CREB5: variants seen among roughly 807,000 people sequenced by gnomAD.
CREB5 encodes the protein cAMP responsive element binding protein 5, also known as cyclic AMP-responsive element-binding protein 5.
In CREB5, 19 loss-of-function variants were observed where a neutral mutation model predicts 57.1. The observed-to-expected ratio is 0.33, with a 90% CI of 0.23 to 0.49. CREB5 has a LOEUF of 0.49. Ranked by LOEUF, CREB5 falls within the 20% of genes least tolerant of loss-of-function variation. The probability of loss-of-function intolerance (pLI) is 0.99; values close to 1 mark genes in which losing one functional copy is unlikely to be tolerated. For missense variants in CREB5, 579 were observed against 671.6 expected (o/e 0.86, Z 1.52); for synonymous variants, 238 against 238.3 (o/e 1.00, Z 0.01).
intron 3 of CREB5, among the ~76,000 whole-genome samples, chr7:28,498,509 G>C (rs528883172): frequency 4.6e-5 from 7 of 152,136 alleles, no homozygotes; most frequent in Admixed American, 3.3e-4. Flanking sequence ...AGTTTCCAAC[G>C]GGTTGAAAGA....
chr7:28,339,000 T>C (rs890687533), intron 1 of CREB5, among the ~76,000 whole-genome samples: 1 of 152,114 alleles, frequency 6.6e-6, no homozygotes, highest in Non-Finnish European at 1.5e-5. Flanking sequence ...TAAATTTACC[T>C]GATAGGATTC....
chr7:28,646,359 A>G (rs1394170), intron 5 of CREB5, among the ~76,000 whole-genome samples: 1 of 152,182 alleles, frequency 6.6e-6, no homozygotes, highest in Admixed American at 6.5e-5. Context: ...GGGAAAAAAA[A>G]CAAAAAACAA....
At chr7:28,408,171 C>T (rs986401835), upstream of CREB5, among the ~76,000 whole-genome samples, 10 of 152,166 alleles carry the variant, frequency 6.6e-5, no homozygotes, top group African/African-American at 2.4e-4. Flanking sequence ...CTCAGGCCAG[C>T]CCCCAACCTT....
intron 5 of CREB5, among the ~76,000 whole-genome samples, chr7:28,634,936 G>GA (rs1441703577): frequency 6.6e-6 from 1 of 152,066 alleles, no homozygotes; most frequent in Non-Finnish European, 1.5e-5. Flanking sequence ...TGCAAGTAAC[G>GA]AAAAAATCCC....
intron 7 of CREB5, among the ~76,000 whole-genome samples, chr7:28,782,862 A>G (rs1296943022): frequency 6.6e-6 from 1 of 152,226 alleles, no homozygotes; most frequent in African/African-American, 2.4e-5. Context: ...GCGACAGTCC[A>G]GGAGTCAGCA....
chr7:28,401,289 A>G (rs1189312738), intron 1 of CREB5, among the ~76,000 whole-genome samples: 2 of 152,158 alleles, frequency 1.3e-5, no homozygotes, highest in Non-Finnish European at 2.9e-5. Context: ...AGTGAATACA[A>G]TAATTCCCTA....
intron 5 of CREB5, among the ~76,000 whole-genome samples, chr7:28,603,357 TAG>T (rs1241802762): frequency 6.6e-6 from 1 of 152,226 alleles, no homozygotes. Flanking sequence ...TTTGAGAACT[TAG>T]CCAACATGAT....
At chr7:28,510,682 A>G (rs1420291703) in intron 4 of CREB5, among the ~76,000 whole-genome samples, 2 of 152,170 alleles carry the variant, frequency 1.3e-5, no homozygotes, top group East Asian at 3.9e-4. Flanking sequence ...AAGCATCCCA[A>G]TGTGTATATA....
chr7:28,589,224 T>C (rs188206007), intron 5 of CREB5, among the ~76,000 whole-genome samples: 2 of 152,300 alleles, frequency 1.3e-5, no homozygotes, highest in East Asian at 1.9e-4. Flanking sequence ...ATCAGTAACT[T>C]TACTCCTAAC....
intron 1 of CREB5, among the ~76,000 whole-genome samples, chr7:28,364,743 C>T (rs955350544): frequency 3.9e-5 from 6 of 152,192 alleles, no homozygotes; most frequent in African/African-American, 1.4e-4. Flanking sequence ...GCTGCCTTTT[C>T]TCTTATGCTC....
intron 5 of CREB5, among the ~76,000 whole-genome samples, chr7:28,575,182 TAAAAA>T (rs1376768070): frequency 6.6e-6 from 1 of 152,108 alleles, no homozygotes; most frequent in African/African-American, 2.4e-5. Flanking sequence ...AAAATAATAA[TAAAAA>T]GAAAAGCTGA....
At chr7:28,432,560 T>C (rs1460560108) in intron 1 of CREB5, among the ~76,000 whole-genome samples, 1 of 152,210 alleles carries the variant, frequency 6.6e-6, no homozygotes, top group Non-Finnish European at 1.5e-5. Flanking sequence ...CCATCTATTT[T>C]TCCTGAAAGA....
chr7:28,306,271 C>CT (rs1432998848), intron 1 of CREB5, among the ~76,000 whole-genome samples: 1 of 152,174 alleles, frequency 6.6e-6, no homozygotes, highest in Non-Finnish European at 1.5e-5. Context: ...CTGTGTTACT[C>CT]TTTTCTACAC....
chr7:28,534,643 G>T (rs560073411), intron 4 of CREB5, among the ~76,000 whole-genome samples: 2 of 151,822 alleles, frequency 1.3e-5, no homozygotes, highest in Non-Finnish European at 2.9e-5. Context: ...TCTTCATCTC[G>T]ACTTCCTCTT....
rs528011995 is a variant in CREB5 at position 28,382,989 on chromosome 7, G to A, written c.-25+83548G>A. Among the ~76,000 whole-genome samples the A allele has an allele frequency of 1.6e-4, 25 of 152,298 alleles. No homozygotes were observed. In the South Asian group the frequency reaches 3.5e-3, roughly 21 times the overall value. On this transcript the variant is annotated intron_variant, in intron 1 of 9. Coordinates refer to the CREB5 transcript ENST00000396299. ...AAGGCTACATTCTATGTAGGGTTAA[G>A]CCTTGAAAACAAGGCAGAGGGATTT...
chr7:28,433,586 G>A (rs1037789876), intron 1 of CREB5, among the ~76,000 whole-genome samples: 64 of 152,030 alleles, frequency 4.2e-4, no homozygotes, highest in African/African-American at 1.4e-3. Flanking sequence ...ATCCTCCCAC[G>A]TCAGCCTCTT....
intron 5 of CREB5, among the ~76,000 whole-genome samples, chr7:28,677,619 G>C (rs928275133): frequency 6.6e-6 from 1 of 152,224 alleles, no homozygotes; most frequent in Non-Finnish European, 1.5e-5. Context: ...AGGAGTCAGA[G>C]TGTTCATTAG....
chr7:28,338,234 T>C (rs1785866048), intron 1 of CREB5, among the ~76,000 whole-genome samples: 1 of 152,194 alleles, frequency 6.6e-6, no homozygotes, highest in Non-Finnish European at 1.5e-5. Context: ...TTCAGATGAT[T>C]TCTTATTGCA....
chr7:28,440,275 T>C (rs1344871280), intron 1 of CREB5, among the ~76,000 whole-genome samples: 1 of 152,174 alleles, frequency 6.6e-6, no homozygotes, highest in Non-Finnish European at 1.5e-5. Flanking sequence ...TCTGCTTAAG[T>C]TGTGTTTACT....
Sources: allele counts gnomAD v4.1 joint callset (sites outside exome capture counted in the v4.1 genomes callset), GRCh38; gene constraint gnomAD v4.1.1; transcripts MANE v1.5; gene names NCBI Gene and HGNC (gene_info 2026-07-23, HGNC 2026-07-21).